RSF1: variants seen among roughly 807,000 people sequenced by gnomAD.
RSF1 encodes the protein remodeling and spacing factor 1.
In RSF1, 13 loss-of-function variants were observed where a neutral mutation model predicts 145.2. The observed-to-expected ratio is 0.09, with a 90% CI of 0.06 to 0.14. The LOEUF is 0.14. Ranked by LOEUF, RSF1 falls within the 10% of genes least tolerant of loss-of-function variation. The probability of loss-of-function intolerance (pLI) is 1.00; values close to 1 mark genes in which losing one functional copy is unlikely to be tolerated. For synonymous variants in RSF1, 577 were observed against 592.6 expected, an observed-to-expected ratio of 0.97 and a Z score of 0.38; for missense variants, 1,517 against 1,718.2, an observed-to-expected ratio of 0.88 and a Z score of 2.07.
rs941890723 is a variant in RSF1 at position 77,661,044 on chromosome 11, A to G, written c.*5873T>C. The G allele has an allele frequency of 6.6e-6, 1 of 152,202 alleles. No homozygotes were observed. The highest frequency in any genetic ancestry group is 1.5e-5 in the Non-Finnish European group (1 of 68,018). 9.4% of individuals were successfully genotyped at this position (152,202 alleles called of 1,614,324 possible). On this transcript the variant is annotated 3_prime_UTR_variant, in exon 16 of 16. Transcript: ENST00000308488. ...CAAAATACTTAGTGAATAAGGAAGG[A>G]ACTGAAACTTGAATTTGACTTCTCT...
At chr11:77,822,551 A>G (rs1182982987), upstream of RSF1, among the ~76,000 whole-genome samples, 1 of 152,170 alleles carries the variant, frequency 6.6e-6, no homozygotes, top group Non-Finnish European at 1.5e-5. Flanking sequence ...TGGTCACACA[A>G]ACACCGAATT....
chr11:77,859,177 C>T, the RSF1 span, among the ~76,000 whole-genome samples: 1 of 152,228 alleles, frequency 6.6e-6, no homozygotes, highest in Non-Finnish European at 1.5e-5. Context: ...GTTCCCCATT[C>T]TATTTCTTCT....
rs568024177 is a variant in RSF1, at chr11:77,735,780, G to A, written c.578+4951C>T. 6.6e-5 allele frequency among the ~76,000 whole-genome samples: 10 copies of A among 151,972 alleles called. No individual in the cohort carries two copies. The South Asian group carries it at 8.3e-4, about 13-fold the overall frequency. On this transcript the variant is annotated intron_variant, in intron 4 of 15. Coordinates refer to ENST00000308488, the MANE Select transcript of RSF1 (RefSeq NM_016578.4). ...TTGAGATGGAGGCCGCTCTGTTGTCGCCAGGCTGGAGTGCAGTGGCGCAAT... is the reference window on the plus strand; with the variant it reads ...TTGAGATGGAGGCCGCTCTGTTGTCACCAGGCTGGAGTGCAGTGGCGCAAT...
In RSF1 at chr11:77,666,360, T is replaced by C. The variant is rs1216624915; in HGVS notation, c.*557A>G. 1 of 152,600 alleles carries C rather than the reference T, an allele frequency of 6.6e-6. No homozygotes were observed. Among genetic ancestry groups the C allele is most frequent in the African/African-American group, 2.4e-5 (1 of 41,432 alleles). 9.5% of individuals were successfully genotyped at this position (152,600 alleles called of 1,614,324 possible). Reference sequence around the variant, plus strand: ...TTATCTCCAATAGTAAACAAGTTCATTTCACAAAGGCTGTTACTAAATGAC... The same window carrying C: ...TTATCTCCAATAGTAAACAAGTTCACTTCACAAAGGCTGTTACTAAATGAC... On this transcript the variant is annotated 3_prime_UTR_variant, in exon 16 of 16. Coordinates refer to ENST00000308488, the MANE Select transcript of RSF1 (RefSeq NM_016578.4).
the RSF1 span, chr11:77,842,432 C>A: frequency 6.4e-7 from 1 of 1,560,166 alleles, no homozygotes; most frequent in South Asian, 1.2e-5. Context: ...CAAACTGTTT[C>A]AGCCTTACTT....
Position 77,736,295 on chromosome 11 carries a change from G to A in RSF1, c.578+4436C>T, listed in dbSNP as rs144955116. ...TCTTCTACAAATCAATCCTTTAAAT[G>A]TTTGAAGACATTTATGTCTGAGTAA... On this transcript the variant is annotated intron_variant, in intron 4 of 15. Transcript: ENST00000308488. Among the ~76,000 whole-genome samples, 18 of 152,292 alleles carry A rather than the reference G, an allele frequency of 1.2e-4. No homozygotes were observed. The East Asian group carries it at 3.5e-3, about 29-fold the overall frequency.
chr11:77,691,069 C>T, intron 9 of RSF1, 90 bp downstream of exon 9: 1 of 1,304,398 alleles, frequency 7.7e-7, no homozygotes, highest in Non-Finnish European at 1.1e-6. Context: ...GTATGCCAAT[C>T]CTTGTTTTAG....
intron 1 of RSF1, among the ~76,000 whole-genome samples, chr11:77,808,556 C>T (rs1280692977): frequency 1.3e-4 from 4 of 31,986 alleles, no homozygotes; most frequent in African/African-American, 5.9e-4. Flanking sequence ...TTTTTTGAGA[C>T]GGAGTCTCGC....
the RSF1 span, among the ~76,000 whole-genome samples, chr11:77,863,600 G>A: frequency 1.3e-5 from 2 of 152,184 alleles, no homozygotes; most frequent in African/African-American, 4.8e-5. Flanking sequence ...TGTTGGCCAG[G>A]ATGGTCTTGA....
rs1057060374 is a variant in RSF1 at position 77,808,690 on chromosome 11, C to T, written c.187+11838G>A. Among the ~76,000 whole-genome samples the T allele has an allele frequency of 1.2e-4, 17 of 136,210 alleles. 5 individuals carry two copies. The highest frequency in any genetic ancestry group is 3.9e-4 in the African/African-American group (13 of 33,494). The allele number at this position is 136,210 out of a possible 152,430, so 89.4% of individuals were successfully genotyped here. On this transcript the variant is annotated intron_variant, in intron 1 of 15. Coordinates refer to ENST00000308488, the MANE Select transcript of RSF1 (RefSeq NM_016578.4). Reference sequence around the variant, plus strand: ...CTGGGACTACAGGCGCCCGCCACTACGCCCGGCTAATTTTTTGTATTTTTA... The same window carrying T: ...CTGGGACTACAGGCGCCCGCCACTATGCCCGGCTAATTTTTTGTATTTTTA...
At chr11:77,697,654 A>G (rs957819965) in intron 7 of RSF1, among the ~76,000 whole-genome samples, 1 of 150,302 alleles carries the variant, frequency 6.7e-6, no homozygotes, top group Non-Finnish European at 1.5e-5. Flanking sequence ...TTTTTGGAAT[A>G]TATCTGGTCT....
chr11:77,687,465 T>G (rs1026301742), intron 9 of RSF1, among the ~76,000 whole-genome samples: 2 of 152,026 alleles, frequency 1.3e-5, no homozygotes, highest in Non-Finnish European at 2.9e-5. Flanking sequence ...GTTACCCACC[T>G]TGGGTAACCT....
the RSF1 span, among the ~76,000 whole-genome samples, chr11:77,841,586 C>T: frequency 6.6e-6 from 1 of 152,186 alleles, no homozygotes; most frequent in African/African-American, 2.4e-5. Flanking sequence ...CTGCAAGGCC[C>T]TCTTGAACCT....
chr11:77,814,899 T>TA (rs974613662), intron 1 of RSF1, among the ~76,000 whole-genome samples: 2 of 152,238 alleles, frequency 1.3e-5, no homozygotes, highest in Admixed American at 6.5e-5. Context: ...GGTTTTTTTT[T>TA]AATTTCAGTG....
At chr11:77,782,958 T>C (rs74480381) in intron 1 of RSF1, among the ~76,000 whole-genome samples, 15,749 of 152,330 alleles carry the variant, frequency 0.1, 1,017 homozygotes, top group Non-Finnish European at 0.15. Context: ...TTTGTTCATA[T>C]ACATTTATTT....
intron 7 of RSF1, among the ~76,000 whole-genome samples, chr11:77,696,026 G>C (rs1960269941): frequency 6.6e-6 from 1 of 152,134 alleles, no homozygotes; most frequent in African/African-American, 2.4e-5. Flanking sequence ...ATCACCACTT[G>C]CTCGCAATAC....
intron 1 of RSF1, among the ~76,000 whole-genome samples, chr11:77,819,908 C>A (rs181201218): frequency 6.6e-6 from 1 of 151,792 alleles, no homozygotes; most frequent in African/African-American, 2.4e-5. Flanking sequence ...CTCCCCACTT[C>A]AAGGAAGGAG....
At chr11:77,686,788 G>A (rs1021770805) in intron 9 of RSF1, among the ~76,000 whole-genome samples, 1 of 152,080 alleles carries the variant, frequency 6.6e-6, no homozygotes, top group African/African-American at 2.4e-5. Context: ...TCACTGAAAT[G>A]TATATCCATC....
At chr11:77,865,781 A>G in the RSF1 span, among the ~76,000 whole-genome samples, 1 of 152,242 alleles carries the variant, frequency 6.6e-6, no homozygotes, top group Admixed American at 6.5e-5. Context: ...TAATATTTTG[A>G]TAATTCCACT....
Sources: gnomAD v4.1 joint callset for allele counts (sites outside exome capture counted in the v4.1 genomes callset) on GRCh38, gnomAD v4.1.1 for gene constraint, MANE v1.5 for transcripts, NCBI Gene and HGNC (gene_info 2026-07-23, HGNC 2026-07-21) for gene names.